Variants in CNTNAP2 observed in about 807,000 individuals in gnomAD.
CNTNAP2 encodes contactin-associated protein-like 2.
A neutral mutation model predicts 155.2 loss-of-function variants in CNTNAP2; 98 were observed. The observed-to-expected ratio is 0.63, with a 90% confidence interval of 0.54 to 0.75. The LOEUF (loss-of-function observed/expected upper bound fraction) is 0.75, where lower values mean the gene tolerates loss of function less well. Ranked by LOEUF, CNTNAP2 falls within the 30% of genes least tolerant of loss-of-function variation. The probability of loss-of-function intolerance (pLI) is 0.00; values close to 1 mark genes in which losing one functional copy is unlikely to be tolerated. For synonymous variants in CNTNAP2, 651 were observed against 631.2 expected, an observed-to-expected ratio of 1.03 and a Z score of -0.47; for missense variants, 1,727 against 1,688.1, an observed-to-expected ratio of 1.02 and a Z score of -0.40.
chr7:146,981,027 G>A (rs1028670371), intron 3 of CNTNAP2, among the ~76,000 whole-genome samples: 1 of 152,136 alleles, frequency 6.6e-6, no homozygotes, highest in South Asian at 2.1e-4. Context: ...CCATGGTTAT[G>A]CAAAGGAGCC....
At chr7:147,142,702 T>G (rs1387490858) in intron 8 of CNTNAP2, among the ~76,000 whole-genome samples, 1 of 152,128 alleles carries the variant, frequency 6.6e-6, no homozygotes, top group African/African-American at 2.4e-5. Flanking sequence ...TGTATACATA[T>G]GTAACTAACC....
intron 15 of CNTNAP2, among the ~76,000 whole-genome samples, chr7:147,994,047 T>TA (rs1487145182): frequency 1.3e-5 from 2 of 152,114 alleles, no homozygotes; most frequent in African/African-American, 4.8e-5. Flanking sequence ...CAGATATACT[T>TA]ACGTATGCAC....
At position 147,311,488 on chromosome 7, in the gene CNTNAP2, A is replaced by C. The variant is rs1326738593; in HGVS notation, c.1498+11198A>C. Among the ~76,000 whole-genome samples the C allele has an allele frequency of 2.0e-5, 3 of 152,144 alleles. No individual in the cohort carries two copies. In the East Asian group the frequency reaches 5.8e-4, roughly 29 times the overall value. On this transcript the variant is annotated intron_variant, in intron 9 of 23. Transcript: ENST00000361727. ...TGGCTCTCTTACTCCTGCTGTGTTC[A>C]GACTGAGGGCAGTCCAGGCAGCGTG...
At chr7:146,643,006 T>G (rs13233964) in intron 1 of CNTNAP2, among the ~76,000 whole-genome samples, 90,675 of 132,096 alleles carry the variant, frequency 0.69, 32,037 homozygotes, top group South Asian at 0.82. Context: ...TGATGGGGTT[T>G]TTTGTTTTTT....
In CNTNAP2 at chr7:147,159,102, A is replaced by G. The variant is rs955982904; in HGVS notation, c.1348+26593A>G. Among the ~76,000 whole-genome samples, 4 of 152,058 alleles carry G rather than the reference A, an allele frequency of 2.6e-5. No individual in the cohort carries two copies. The South Asian group carries it at 8.3e-4, about 32-fold the overall frequency. On this transcript the variant is annotated intron_variant, in intron 8 of 23. Transcript: ENST00000361727. Reference sequence around the variant, plus strand: ...TAAACAGGCAAAGGGAACAGCATTGACAAGGTATGAAACTGCACAACATCT... The same window carrying G: ...TAAACAGGCAAAGGGAACAGCATTGGCAAGGTATGAAACTGCACAACATCT...
intron 21 of CNTNAP2, among the ~76,000 whole-genome samples, chr7:148,343,761 T>C (rs941618471): frequency 6.6e-6 from 1 of 152,240 alleles, no homozygotes; most frequent in African/African-American, 2.4e-5. Context: ...ACTAGATTAC[T>C]AAATAGGTGA....
chr7:147,305,986 C>T (rs554704148), intron 9 of CNTNAP2, among the ~76,000 whole-genome samples: 13 of 152,170 alleles, frequency 8.5e-5, no homozygotes, highest in South Asian at 4.1e-4. Context: ...TTTGTGTTTC[C>T]GCATCTGAAT....
intron 1 of CNTNAP2, among the ~76,000 whole-genome samples, chr7:146,751,818 C>T (rs150616173): frequency 1.6e-4 from 24 of 152,020 alleles, no homozygotes; most frequent in East Asian, 5.8e-4. Flanking sequence ...TTGTTCCCCT[C>T]GCTGTGTCCT....
intron 12 of CNTNAP2, among the ~76,000 whole-genome samples, chr7:147,566,020 C>T (rs1219139676): frequency 2.6e-5 from 4 of 151,354 alleles, no homozygotes; most frequent in African/African-American, 9.7e-5. Context: ...ATGACTCACG[C>T]CTGTAATCCC....
At chr7:147,087,026 A>C (rs1800293573) in intron 4 of CNTNAP2, among the ~76,000 whole-genome samples, 1 of 152,176 alleles carries the variant, frequency 6.6e-6, no homozygotes, top group Non-Finnish European at 1.5e-5. Flanking sequence ...GGTAAGTGTA[A>C]CTGTATCTGA....
At chr7:147,044,651 A>G (rs1432417614) in intron 4 of CNTNAP2, among the ~76,000 whole-genome samples, 1 of 152,162 alleles carries the variant, frequency 6.6e-6, no homozygotes, top group Non-Finnish European at 1.5e-5. Flanking sequence ...TCTTAAATAC[A>G]TTATGCATAT....
intron 1 of CNTNAP2, among the ~76,000 whole-genome samples, chr7:146,291,514 C>T (rs765281130): frequency 3.7e-4 from 57 of 152,074 alleles, no homozygotes; most frequent in Non-Finnish European, 7.2e-4. Flanking sequence ...CCATATGTGT[C>T]CAATAAAGCC....
chr7:146,995,104 C>T (rs1346003960), intron 3 of CNTNAP2, among the ~76,000 whole-genome samples: 5 of 151,856 alleles, frequency 3.3e-5, no homozygotes, highest in Admixed American at 6.6e-5. Context: ...CTTTGTGTGC[C>T]TAGCTTATGT....
chr7:146,755,726 A>AAAATG (rs1801984329), intron 1 of CNTNAP2, among the ~76,000 whole-genome samples: 1 of 152,012 alleles, frequency 6.6e-6, no homozygotes. Context: ...GTGCATCAAG[A>AAAATG]AAATGTAACA....
intron 11 of CNTNAP2, among the ~76,000 whole-genome samples, chr7:147,512,109 T>C (rs1283754314): frequency 6.6e-6 from 1 of 152,118 alleles, no homozygotes; most frequent in Non-Finnish European, 1.5e-5. Flanking sequence ...TGAAAACATA[T>C]ACAGCATGGG....
At chr7:148,373,139 ATTACCC>A (rs1798920781) in intron 21 of CNTNAP2, among the ~76,000 whole-genome samples, 4 of 151,340 alleles carry the variant, frequency 2.6e-5, no homozygotes, top group Admixed American at 6.6e-5. Context: ...CTGTTGTACA[ATTACCC>A]TTTTTAAAAA....
intron 13 of CNTNAP2, among the ~76,000 whole-genome samples, chr7:147,705,517 C>G (rs1796296846): frequency 6.6e-6 from 1 of 152,094 alleles, no homozygotes; most frequent in African/African-American, 2.4e-5. Context: ...GAAGAAGGTG[C>G]ATTCTGTAGC....
chr7:148,074,116 T>C (rs1297100837), intron 15 of CNTNAP2, among the ~76,000 whole-genome samples: 1 of 152,184 alleles, frequency 6.6e-6, no homozygotes, highest in Non-Finnish European at 1.5e-5. Context: ...TAATAACCAC[T>C]GAAGAAATCC....
chr7:146,468,445 A>T (rs930725983), intron 1 of CNTNAP2, among the ~76,000 whole-genome samples: 1 of 136,256 alleles, frequency 7.3e-6, no homozygotes, highest in Non-Finnish European at 1.5e-5. Context: ...AGTCAGGAAG[A>T]AAAAAAAAAA....
Sources: allele counts gnomAD v4.1 joint callset (sites outside exome capture counted in the v4.1 genomes callset), GRCh38; gene constraint gnomAD v4.1.1; transcripts MANE v1.5; gene names NCBI Gene and HGNC (gene_info 2026-07-23, HGNC 2026-07-21).